The following PRKCQ variants were observed in gnomAD, a reference collection of about 807,000 sequenced individuals.
PRKCQ encodes the protein protein kinase C theta.
Under a neutral mutation model 91.2 loss-of-function variants are expected in PRKCQ, and 41 were observed. The observed-to-expected ratio is 0.45, with a 90% CI of 0.35 to 0.58. The LOEUF (loss-of-function observed/expected upper bound fraction) is 0.58, where lower values mean the gene tolerates loss of function less well. PRKCQ is among the 20% of genes least tolerant of loss of function. The pLI is 0.00. For missense variants in PRKCQ, 673 were observed against 896.5 expected, an observed-to-expected ratio of 0.75 and a Z score of 3.18; for synonymous variants, 307 against 316.9, an observed-to-expected ratio of 0.97 and a Z score of 0.33.
chr10:6,494,360 A>T lies in PRKCQ; in HGVS notation c.661-2548T>A, dbSNP rs1837477017. 2.0e-5 allele frequency among the ~76,000 whole-genome samples: 3 copies of T among 152,098 alleles called. No individual in the cohort carries two copies. In the South Asian group the frequency reaches 6.2e-4, roughly 32 times the overall value. On this transcript the variant is annotated intron_variant, in intron 7 of 17. Transcript: ENST00000263125. The stretch of plus-strand genomic sequence containing the variant: ...CTCCCTGGCCACGGGAGCACTTGCC[A>T]TCCTTGGGGTCTCATTTCCCAGCCA...
intron 4 of PRKCQ, among the ~76,000 whole-genome samples, chr10:6,502,749 C>T (rs2130834694): frequency 6.6e-6 from 1 of 152,214 alleles, no homozygotes; most frequent in South Asian, 2.1e-4. Flanking sequence ...CTGATGCATT[C>T]ATGTGGAAGT....
chr10:6,523,944 G>A (rs1408466823), intron 1 of PRKCQ, among the ~76,000 whole-genome samples: 3 of 152,048 alleles, frequency 2.0e-5, no homozygotes, highest in African/African-American at 4.8e-5. Context: ...AAAAGCCTCC[G>A]TTTATTGGGT....
the PRKCQ span, among the ~76,000 whole-genome samples, chr10:6,419,988 C>T: frequency 6.6e-6 from 1 of 150,800 alleles, no homozygotes; most frequent in South Asian, 2.1e-4. Context: ...CGTGCCCAGC[C>T]GAAATCTCCT....
At chr10:6,456,936 G>T in intron 14 of PRKCQ, 124 bp from the exon 15 acceptor site, 2 of 962,426 alleles carry the variant, frequency 2.1e-6, no homozygotes, top group Non-Finnish European at 3.1e-6. Context: ...AGGCGCTTAT[G>T]TATCTATCCA....
At chr10:6,514,545 G>A (rs979033660) in intron 2 of PRKCQ, among the ~76,000 whole-genome samples, 12 of 152,192 alleles carry the variant, frequency 7.9e-5, no homozygotes, top group African/African-American at 2.9e-4. Context: ...CTGAAATTTG[G>A]ATTCTAATGG....
intron 1 of PRKCQ, among the ~76,000 whole-genome samples, chr10:6,533,976 C>G (rs888050105): frequency 6.6e-6 from 1 of 152,130 alleles, no homozygotes; most frequent in African/African-American, 2.4e-5. Context: ...GATATGATCC[C>G]ACAGACAAGC....
intron 1 of PRKCQ, among the ~76,000 whole-genome samples, chr10:6,519,779 C>T (rs78541977): frequency 0.011 from 1,599 of 152,230 alleles, 25 homozygotes; most frequent in African/African-American, 0.036. Flanking sequence ...TATGTTTACC[C>T]CTGGCACCTG....
intron 1 of PRKCQ, among the ~76,000 whole-genome samples, chr10:6,543,301 C>T (rs1044376469): frequency 3.3e-5 from 5 of 152,176 alleles, no homozygotes; most frequent in African/African-American, 9.7e-5. Flanking sequence ...AATACTCAGC[C>T]CTGGCGGAGC....
chr10:6,517,557 G>A (rs1325182326), intron 1 of PRKCQ, among the ~76,000 whole-genome samples: 5 of 125,866 alleles, frequency 4.0e-5, no homozygotes. Flanking sequence ...ACTTCTACAT[G>A]CCAGAAAAAA....
At chr10:6,492,757 T>A (rs1035195337) in intron 7 of PRKCQ, among the ~76,000 whole-genome samples, 2 of 152,250 alleles carry the variant, frequency 1.3e-5, no homozygotes, top group African/African-American at 2.4e-5. Context: ...GGATTCCTGG[T>A]AAGAATGTGA....
At chr10:6,464,637 G>A (rs1377218739) in intron 12 of PRKCQ, among the ~76,000 whole-genome samples, 1 of 152,042 alleles carries the variant, frequency 6.6e-6, no homozygotes, top group Non-Finnish European at 1.5e-5. Context: ...TAGCAGAGAT[G>A]GGGTTTCGCC....
At chr10:6,573,986 T>C in intron 1 of PRKCQ, among the ~76,000 whole-genome samples, 1 of 152,184 alleles carries the variant, frequency 6.6e-6, no homozygotes, top group South Asian at 2.1e-4. Context: ...CATGGTGGCA[T>C]GCAACTGTAG....
At chr10:6,551,784 C>T (rs946536249) in intron 1 of PRKCQ, among the ~76,000 whole-genome samples, 2 of 152,230 alleles carry the variant, frequency 1.3e-5, no homozygotes, top group South Asian at 2.1e-4. Context: ...TGAACACACA[C>T]GTGCGTGTGT....
At chr10:6,520,215 C>T (rs181320983) in intron 1 of PRKCQ, among the ~76,000 whole-genome samples, 135 of 152,318 alleles carry the variant, frequency 8.9e-4, no homozygotes, top group Non-Finnish European at 1.6e-3. Flanking sequence ...GAACTCCCTG[C>T]CTTCCCTTTC....
intron 1 of PRKCQ, among the ~76,000 whole-genome samples, chr10:6,546,767 T>C (rs1413408550): frequency 1.3e-5 from 2 of 152,148 alleles, no homozygotes; most frequent in African/African-American, 4.8e-5. Flanking sequence ...TCCAACACTA[T>C]GTTGAATAGG....
At chr10:6,413,731 G>GCGCA in the PRKCQ span, among the ~76,000 whole-genome samples, 155 of 73,426 alleles carry the variant, frequency 2.1e-3, 30 homozygotes, top group African/African-American at 8.7e-3. Flanking sequence ...TTGTGCGCGC[G>GCGCA]CACACACACA....
chr10:6,503,189 T>C (rs1838012304), intron 4 of PRKCQ, among the ~76,000 whole-genome samples: 1 of 152,070 alleles, frequency 6.6e-6, no homozygotes, highest in African/African-American at 2.4e-5. Context: ...ATAAATAGGG[T>C]AAAAGAGAAA....
chr10:6,565,668 T>C (rs1840813693), intron 1 of PRKCQ, among the ~76,000 whole-genome samples: 1 of 152,194 alleles, frequency 6.6e-6, no homozygotes, highest in South Asian at 2.1e-4. Flanking sequence ...GTACTACAAA[T>C]ATTAACAAAT....
intron 15 of PRKCQ, among the ~76,000 whole-genome samples, chr10:6,455,126 T>C (rs1834938993): frequency 6.6e-6 from 1 of 152,070 alleles, no homozygotes; most frequent in Non-Finnish European, 1.5e-5. Context: ...GTGAGGGTGG[T>C]CTGAGCAGAG....
Sources: gnomAD v4.1 joint callset for allele counts (sites outside exome capture counted in the v4.1 genomes callset) on GRCh38, gnomAD v4.1.1 for gene constraint, MANE v1.5 for transcripts, NCBI Gene and HGNC (gene_info 2026-07-23, HGNC 2026-07-21) for gene names.